The following JARID2 variants were observed in gnomAD, a reference collection of about 807,000 sequenced individuals.
JARID2 encodes protein Jumonji.
A neutral mutation model predicts 125.6 loss-of-function variants in JARID2; 21 were observed. The observed-to-expected ratio is 0.17, with a 90% confidence interval of 0.12 to 0.24. The LOEUF (loss-of-function observed/expected upper bound fraction) is 0.24. Ranked by LOEUF, JARID2 falls within the 10% of genes least tolerant of loss-of-function variation. JARID2 has a pLI of 1.00. For synonymous variants in JARID2, 736 were observed against 661.6 expected, an observed-to-expected ratio of 1.11 and a Z score of -1.73; for missense variants, 1,303 against 1,639.6, an observed-to-expected ratio of 0.79 and a Z score of 3.55.
At chr6:15,419,252 ATAAG>A (rs1466235974) in intron 3 of JARID2, among the ~76,000 whole-genome samples, 2 of 152,242 alleles carry the variant, frequency 1.3e-5, no homozygotes, top group African/African-American at 4.8e-5. Context: ...TATTTTATAA[ATAAG>A]AGAAGTACTA....
chr6:15,321,035 C>A (rs1455538463), intron 1 of JARID2, among the ~76,000 whole-genome samples: 2 of 151,966 alleles, frequency 1.3e-5, no homozygotes, highest in Non-Finnish European at 2.9e-5. Flanking sequence ...TTCATTATTA[C>A]AAGTAGTATT....
intron 17 of JARID2, among the ~76,000 whole-genome samples, chr6:15,519,312 C>T (rs1043166592): frequency 2.6e-5 from 4 of 152,144 alleles, no homozygotes; most frequent in Non-Finnish European, 4.4e-5. Flanking sequence ...TACGTGTGGA[C>T]CGCCCCGCCT....
chr6:15,354,139 A>G (rs942407901), intron 1 of JARID2, among the ~76,000 whole-genome samples: 8 of 152,334 alleles, frequency 5.3e-5, no homozygotes, highest in Non-Finnish European at 7.4e-5. Context: ...GGTGAGCCCA[A>G]TGTAATCACA....
chr6:15,435,688 T>C (rs903596945), intron 3 of JARID2, among the ~76,000 whole-genome samples: 6 of 152,226 alleles, frequency 3.9e-5, no homozygotes, highest in African/African-American at 1.4e-4. Context: ...TGGAAATGAC[T>C]CATGATGCCA....
intron 1 of JARID2, among the ~76,000 whole-genome samples, chr6:15,274,975 C>T (rs529149257): frequency 2.0e-5 from 3 of 152,260 alleles, no homozygotes; most frequent in East Asian, 1.9e-4. Context: ...GTTTTGGTTG[C>T]GCTTTTAGCT....
At chr6:15,300,617 T>C (rs187629032) in intron 1 of JARID2, among the ~76,000 whole-genome samples, 1 of 151,950 alleles carries the variant, frequency 6.6e-6, no homozygotes, top group South Asian at 2.1e-4. Context: ...TTTCGAGTTA[T>C]GAATGAAATT....
intron 16 of JARID2, among the ~76,000 whole-genome samples, chr6:15,514,741 C>A (rs1365613872): frequency 6.6e-6 from 1 of 152,154 alleles, no homozygotes; most frequent in Non-Finnish European, 1.5e-5. Context: ...GATAGGCCCA[C>A]CCTCATGGCC....
intron 1 of JARID2, among the ~76,000 whole-genome samples, chr6:15,315,669 G>T (rs777742080): frequency 1.3e-5 from 2 of 152,218 alleles, no homozygotes; most frequent in Non-Finnish European, 2.9e-5. Context: ...ATCCCTAGAA[G>T]TTGTGGTTGT....
rs540315932 is a variant in JARID2, at chr6:15,303,634, C to T, written c.45+57050C>T. ...AATACCCAATGTGAGAAGAGTTGCT[C>T]CTCCTTTGTTATTATTTCAACAATG... is the stretch of plus-strand genomic sequence containing the variant. On this transcript the variant is annotated intron_variant, in intron 1 of 17. Coordinates refer to ENST00000341776, the MANE Select transcript of JARID2 (RefSeq NM_004973.4). Among the ~76,000 whole-genome samples, 3 of 152,334 alleles carry T rather than the reference C, an allele frequency of 2.0e-5. No individual in the cohort carries two copies. The South Asian group carries it at 6.2e-4, about 32-fold the overall frequency.
intron 3 of JARID2, among the ~76,000 whole-genome samples, 154 bp from the exon 4 acceptor site, chr6:15,451,852 A>G (rs1487120554): frequency 1.3e-5 from 2 of 152,214 alleles, no homozygotes; most frequent in Non-Finnish European, 2.9e-5. Context: ...CCTGTGGTTT[A>G]TGAGAGTGTG....
chr6:15,285,833 G>T (rs751507623), intron 1 of JARID2, among the ~76,000 whole-genome samples: 79 of 152,092 alleles, frequency 5.2e-4, no homozygotes, highest in Non-Finnish European at 8.5e-4. Flanking sequence ...GAGAGCCTTT[G>T]GAATCTTGTA....
At chr6:15,330,910 C>G (rs1762685109) in intron 1 of JARID2, among the ~76,000 whole-genome samples, 1 of 152,172 alleles carries the variant, frequency 6.6e-6, no homozygotes, top group African/African-American at 2.4e-5. Flanking sequence ...TGACTTCTTT[C>G]AGGTTTTGGG....
chr6:15,257,864 A>G (rs1759727225), intron 1 of JARID2, among the ~76,000 whole-genome samples: 1 of 152,238 alleles, frequency 6.6e-6, no homozygotes, highest in South Asian at 2.1e-4. Flanking sequence ...CAGGGCATTT[A>G]GAACTAAATG....
intron 3 of JARID2, among the ~76,000 whole-genome samples, chr6:15,415,957 C>T (rs548347666): frequency 1.5e-4 from 22 of 150,118 alleles, no homozygotes; most frequent in South Asian, 1.3e-3. Flanking sequence ...CGGAGGGTCT[C>T]CTCACTTCTC....
chr6:15,519,984 C>G, intron 17 of JARID2, 85 bp from the exon 18 acceptor site: 1 of 1,209,616 alleles, frequency 8.3e-7, no homozygotes, highest in Non-Finnish European at 1.1e-6. Context: ...GCCCTCTGCC[C>G]TAAACTTGCC....
At chr6:15,518,888 G>C (rs1771692506) in intron 17 of JARID2, among the ~76,000 whole-genome samples, 1 of 152,182 alleles carries the variant, frequency 6.6e-6, no homozygotes, top group South Asian at 2.1e-4. Flanking sequence ...TGGGCCTGCT[G>C]ACCCGGGACA....
intron 1 of JARID2, among the ~76,000 whole-genome samples, chr6:15,246,834 A>G (rs993006393): frequency 2.0e-5 from 3 of 152,228 alleles, no homozygotes; most frequent in Non-Finnish European, 4.4e-5. Flanking sequence ...ATCTACTTTT[A>G]GATGAAAGGC....
chr6:15,452,399 C>T (rs1767958330), intron 4 of JARID2, among the ~76,000 whole-genome samples: 1 of 151,956 alleles, frequency 6.6e-6, no homozygotes, highest in Non-Finnish European at 1.5e-5. Context: ...TGACTCTTAA[C>T]ACCCTACTTC....
chr6:15,512,136 A>G (rs1468145735), intron 13 of JARID2, 72 bp from the exon 14 acceptor site: 6 of 1,357,456 alleles, frequency 4.4e-6, no homozygotes, highest in African/African-American at 2.9e-5. Flanking sequence ...TAGGGTGCGC[A>G]TACGTCACCT....
Sources: allele counts gnomAD v4.1 joint callset (sites outside exome capture counted in the v4.1 genomes callset), GRCh38; gene constraint gnomAD v4.1.1; transcripts MANE v1.5; gene names NCBI Gene and HGNC (gene_info 2026-07-23, HGNC 2026-07-21).